The following KLHL6 variants were observed in gnomAD, a reference collection of about 807,000 sequenced individuals.
KLHL6 encodes kelch-like protein 6.
A neutral mutation model predicts 58.6 loss-of-function variants in KLHL6; 41 were observed. The observed-to-expected ratio is 0.70, with a 90% CI of 0.55 to 0.91. The LOEUF is 0.91. Ranked by LOEUF, KLHL6 falls within the 40% of genes least tolerant of loss-of-function variation. The pLI, the probability that KLHL6 is intolerant of heterozygous loss-of-function variation, is 0.00. For synonymous variants in KLHL6, 338 were observed against 322.7 expected (o/e 1.05, Z -0.51); for missense variants, 714 against 805.6 (o/e 0.89, Z 1.38).
At position 183,499,747 on chromosome 3, in the gene KLHL6, A is replaced by T. The variant is rs756790843; in HGVS notation, c.990T>A (p.Asp330Glu). The change falls in exon 4 of 7, where the codon GAT (aspartate) becomes GAA (glutamate). Residue 330 changes from aspartate (D) to glutamate (E), a missense_variant. Asp to Glu is a conservative substitution (Grantham distance 45, BLOSUM62 2). Transcript: ENST00000341319. The surrounding 1 kb of genome is among the most constrained non-coding windows in gnomAD (Gnocchi z 4.6). ...VFMIIGGCTK[D>E]ERFVAEVTCL... Reference sequence around the variant, plus strand: ...AGGTCACCTCTGCCACAAACCGTTCATCCTTCGTGCAGCCGCCAATGATCA... The same window carrying T: ...AGGTCACCTCTGCCACAAACCGTTCTTCCTTCGTGCAGCCGCCAATGATCA... 21 of 1,610,224 alleles carry T rather than the reference A, an allele frequency of 1.3e-5. No individual in the cohort carries two copies. In the Admixed American group the frequency reaches 3.4e-4, roughly 26 times the overall value.
intron 1 of KLHL6, among the ~76,000 whole-genome samples, chr3:183,530,983 C>T (rs1257793095): frequency 6.6e-6 from 1 of 151,990 alleles, no homozygotes; most frequent in African/African-American, 2.4e-5. Flanking sequence ...AGGCACTCGC[C>T]ACCACGCCTG....
intron 3 of KLHL6, among the ~76,000 whole-genome samples, chr3:183,506,617 C>G (rs1718014570): frequency 6.6e-6 from 1 of 152,042 alleles, no homozygotes; most frequent in Non-Finnish European, 1.5e-5. Flanking sequence ...CACTTAAGCT[C>G]AGGAGTTCAA....
At chr3:183,507,471 G>T (rs1341108956) in intron 3 of KLHL6, among the ~76,000 whole-genome samples, 1 of 151,982 alleles carries the variant, frequency 6.6e-6, no homozygotes, top group Non-Finnish European at 1.5e-5. Context: ...TCCCTCTGTT[G>T]CCCAGGCTGG....
chr3:183,512,063 G>A (rs1051497399), intron 2 of KLHL6, among the ~76,000 whole-genome samples: 11 of 152,200 alleles, frequency 7.2e-5, no homozygotes, highest in Non-Finnish European at 1.2e-4. Context: ...CTGTTTAGTC[G>A]TTGGCAGATT....
chr3:183,554,731 G>A (rs1713047437), intron 1 of KLHL6, among the ~76,000 whole-genome samples: 1 of 152,152 alleles, frequency 6.6e-6, no homozygotes, highest in Non-Finnish European at 1.5e-5. Context: ...TCAGACCAAG[G>A]GGGAAAAAAG....
At chr3:183,493,159 C>T (rs1321431704) in intron 5 of KLHL6, 1 of 193,320 alleles carries the variant, frequency 5.2e-6, no homozygotes, top group Non-Finnish European at 1.1e-5. Flanking sequence ...CACAGGTAAG[C>T]AGACTCTTCC....
chr3:183,501,507 G>A (rs929646819), intron 3 of KLHL6, among the ~76,000 whole-genome samples: 1 of 152,166 alleles, frequency 6.6e-6, no homozygotes, highest in Non-Finnish European at 1.5e-5. Flanking sequence ...CCTCCACTCC[G>A]AAGCTCCCCT....
rs770057603 is a variant in KLHL6 at position 183,492,208 on chromosome 3, A to G, written c.1585T>C (p.Tyr529His). Residue 529 changes from tyrosine to histidine, a missense_variant, in exon 7 of 7, where the codon TAC becomes CAC. This residue lies in a region of KLHL6 where 510 missense variants were observed against 629.7 expected (regional missense o/e 0.81). Transcript: ENST00000341319. The surrounding 1 kb of genome is among the most constrained non-coding windows in gnomAD (Gnocchi z 5.9). ...YVVGGAMRAL[Y>H]AYSPLEDSWC... The stretch of plus-strand genomic sequence containing the variant: ...CTGTCTTCCAGCGGGCTGTAGGCGT[A>G]CAGCGCTCTCATGGCCCCACCTGAG... 1.2e-6 allele frequency: 2 copies of G among 1,607,556 alleles called. No individual in the cohort carries two copies. Among genetic ancestry groups the G allele is most frequent in the East Asian group, 2.2e-5 (1 of 44,748 alleles).
chr3:183,532,635 G>A (rs1712198360), intron 1 of KLHL6, among the ~76,000 whole-genome samples: 1 of 152,222 alleles, frequency 6.6e-6, no homozygotes, highest in African/African-American at 2.4e-5. Context: ...CAAGCACAGT[G>A]AGTAAAGCCA....
chr3:183,494,490 A>G (rs76943959), intron 4 of KLHL6, among the ~76,000 whole-genome samples: 3,548 of 152,278 alleles, frequency 0.023, 134 homozygotes, highest in African/African-American at 0.081. Context: ...ATGATGTGCC[A>G]CACTGTGTCA....
intron 1 of KLHL6, among the ~76,000 whole-genome samples, chr3:183,530,005 G>A (rs557951083): frequency 1.8e-4 from 28 of 152,214 alleles, no homozygotes; most frequent in African/African-American, 6.7e-4. Flanking sequence ...TGCAAGCCAG[G>A]AAGGGGACTT....
In KLHL6 at chr3:183,547,846, A is replaced by G. The variant is rs144970596; in HGVS notation, c.293+7515T>C. On this transcript the variant is annotated intron_variant, in intron 1 of 6. Coordinates refer to ENST00000341319, the MANE Select transcript of KLHL6 (RefSeq NM_130446.4). ...GGTTTCCCCATGATGTCTAAACTGA[A>G]AACAGGCCTCTTCACAGAGAACAGA... 3.7e-4 allele frequency among the ~76,000 whole-genome samples: 56 copies of G among 152,302 alleles called. No individual in the cohort carries two copies. The East Asian group carries it at 0.01, about 28-fold the overall frequency.
chr3:183,529,820 C>A (rs2108686393), intron 1 of KLHL6, among the ~76,000 whole-genome samples: 1 of 152,170 alleles, frequency 6.6e-6, no homozygotes, highest in African/African-American at 2.4e-5. Flanking sequence ...AACTCTAACC[C>A]CGCAGTGTGA....
intron 2 of KLHL6, 51 bp downstream of exon 2, chr3:183,527,794 A>G (rs1427513397): frequency 6.3e-7 from 1 of 1,583,046 alleles, no homozygotes; most frequent in East Asian, 2.2e-5. Flanking sequence ...CTGGAGAATT[A>G]CTGCATTCAC....
At chr3:183,535,978 G>A (rs796091167) in intron 1 of KLHL6, among the ~76,000 whole-genome samples, 6 of 152,144 alleles carry the variant, frequency 3.9e-5, no homozygotes, top group Admixed American at 2.0e-4. Flanking sequence ...GTTTCACCAC[G>A]TTAGCCAGGA....
chr3:183,497,901 G>T (rs1717759878), intron 4 of KLHL6, among the ~76,000 whole-genome samples: 1 of 152,202 alleles, frequency 6.6e-6, no homozygotes, highest in Non-Finnish European at 1.5e-5. Flanking sequence ...CAGAGAAACT[G>T]CCCTATTTTA....
At position 183,527,989 on chromosome 3, in the gene KLHL6, T is replaced by C; in HGVS notation, c.315A>G (p.Leu105=). Residue 105 remains leucine, a synonymous_variant, in exon 2 of 7, where the codon TTA becomes TTG. Transcript: ENST00000341319. ...TGATCCTTTTCTCATACTTTTCCTTTAAATCGTTGCAGAACATGGCCCTGG... is the reference window on the plus strand; with the variant it reads ...TGATCCTTTTCTCATACTTTTCCTTCAAATCGTTGCAGAACATGGCCCTGG... The part of the protein sequence containing the change: ...NYFRAMFCND[L]KEKYEKRIII... The C allele has an allele frequency of 6.2e-7, 1 of 1,614,050 alleles. No homozygotes were observed. Among genetic ancestry groups the C allele is most frequent in the African/African-American group, 1.3e-5 (1 of 74,976 alleles).
In KLHL6 at chr3:183,494,280, A is replaced by G. The variant is rs35003616; in HGVS notation, c.1149T>C (p.Gly383=). The part of the protein sequence containing the change: ...VTLKNEVYIS[G]GKETQHDVWK... Reference sequence around the variant, plus strand: ...AAACATCATGCTGTGTTTCTTTGCCACCTGCAAGAGATACAAAGCATTTAA... The same window carrying G: ...AAACATCATGCTGTGTTTCTTTGCCGCCTGCAAGAGATACAAAGCATTTAA... The change falls in exon 5 of 7, where the codon GGT becomes GGC. Residue 383 remains glycine, a splice_region_variant and synonymous_variant. Coordinates refer to ENST00000341319, the MANE Select transcript of KLHL6 (RefSeq NM_130446.4). 1,180 of 1,610,756 alleles carry G rather than the reference A, an allele frequency of 7.3e-4. 9 individuals are homozygous for G. The African/African-American group carries it at 0.014, about 19-fold the overall frequency.
At chr3:183,552,188 C>T (rs895439404) in intron 1 of KLHL6, 5 of 152,126 alleles carry the variant, frequency 3.3e-5, no homozygotes, top group Non-Finnish European at 7.4e-5. Flanking sequence ...AGCAAACCCC[C>T]TTCAAGAAAT....
Sources: allele counts gnomAD v4.1 joint callset (sites outside exome capture counted in the v4.1 genomes callset), GRCh38; gene constraint gnomAD v4.1.1; regional missense constraint gnomAD v4.1.1; non-coding constraint Gnocchi (gnomAD v3.1); transcripts MANE v1.5; gene names NCBI Gene and HGNC (gene_info 2026-07-23, HGNC 2026-07-21).